The following SVOP variants were observed in gnomAD, a reference collection of about 807,000 sequenced individuals.
The protein encoded by SVOP is synaptic vesicle 2-related protein.
A neutral mutation model predicts 69.1 loss-of-function variants in SVOP; 17 were observed. The observed-to-expected ratio is 0.25, with a 90% CI of 0.17 to 0.37. The LOEUF (loss-of-function observed/expected upper bound fraction) is 0.37. SVOP is among the 10% of genes least tolerant of loss of function. The pLI is 1.00. For synonymous variants in SVOP, 238 were observed against 238.6 expected (o/e 1.00, Z 0.02); for missense variants, 435 against 597.5 (o/e 0.73, Z 2.84).
chr12:108,967,084 A>G (rs1199668149), intron 5 of SVOP, among the ~76,000 whole-genome samples: 4 of 152,224 alleles, frequency 2.6e-5, no homozygotes, highest in Non-Finnish European at 4.4e-5. Flanking sequence ...GAAGTTGAAT[A>G]GCTTGTCTTT....
intron 1 of SVOP, among the ~76,000 whole-genome samples, chr12:108,992,037 C>A (rs567025043): frequency 2.0e-5 from 3 of 152,058 alleles, no homozygotes; most frequent in African/African-American, 4.8e-5. Context: ...TGAAAGTCAG[C>A]GGTGTGCGTA....
intron 1 of SVOP, among the ~76,000 whole-genome samples, chr12:109,015,970 C>T (rs2040365783): frequency 1.3e-5 from 2 of 152,108 alleles, no homozygotes; most frequent in Non-Finnish European, 2.9e-5. Flanking sequence ...GCTCTCACAC[C>T]ACACCAGACA....
chr12:108,969,895 G>T (rs959508788), intron 5 of SVOP, among the ~76,000 whole-genome samples: 4 of 152,078 alleles, frequency 2.6e-5, no homozygotes, highest in African/African-American at 9.7e-5. Flanking sequence ...GGGTTAACAG[G>T]GGGGTAATAA....
At chr12:109,005,985 T>A (rs2040305071) in intron 1 of SVOP, among the ~76,000 whole-genome samples, 1 of 152,142 alleles carries the variant, frequency 6.6e-6, no homozygotes, top group African/African-American at 2.4e-5. Context: ...GAGTTGAGTT[T>A]TGAGAAGGTC....
At chr12:108,997,112 C>T (rs1044080851) in intron 1 of SVOP, among the ~76,000 whole-genome samples, 2 of 151,992 alleles carry the variant, frequency 1.3e-5, no homozygotes, top group Non-Finnish European at 2.9e-5. Context: ...GTGCACCGTG[C>T]GCGAGCCGAA....
intron 11 of SVOP, among the ~76,000 whole-genome samples, chr12:108,928,148 C>T (rs1041868209): frequency 4.6e-5 from 7 of 152,096 alleles, no homozygotes; most frequent in Non-Finnish European, 5.9e-5. Flanking sequence ...AAGTGGTCCA[C>T]CTGCCTCAGC....
chr12:108,977,300 C>G, intron 4 of SVOP, 98 bp downstream of exon 4: 1 of 1,410,554 alleles, frequency 7.1e-7, no homozygotes, highest in Non-Finnish European at 9.5e-7. Context: ...TAATTCTTTT[C>G]TGCTGAGCCT....
At chr12:108,980,039 T>G (rs909031827) in intron 2 of SVOP, among the ~76,000 whole-genome samples, 49,889 of 151,662 alleles carry the variant, frequency 0.33, 8,662 homozygotes, top group African/African-American at 0.44. Context: ...AGCTGTGAGT[T>G]GTGGCTCACG....
At chr12:108,949,720 T>C (rs543000914) in intron 6 of SVOP, among the ~76,000 whole-genome samples, 2 of 151,458 alleles carry the variant, frequency 1.3e-5, no homozygotes, top group East Asian at 3.9e-4. Context: ...TTTCTTAACA[T>C]ACACAGCACA....
At chr12:108,956,780 C>T (rs145729855) in intron 6 of SVOP, among the ~76,000 whole-genome samples, 268 of 152,204 alleles carry the variant, frequency 1.8e-3, no homozygotes, top group African/African-American at 3.8e-3. Flanking sequence ...GATGTAGAAG[C>T]GGATGTATGG....
intron 1 of SVOP, among the ~76,000 whole-genome samples, chr12:108,993,939 T>C (rs1160479910): frequency 6.6e-6 from 1 of 152,184 alleles, no homozygotes; most frequent in Admixed American, 6.6e-5. Context: ...TACCCTTGAC[T>C]CTGAGGATAT....
chr12:109,015,771 C>T (rs1299914486), intron 1 of SVOP, among the ~76,000 whole-genome samples: 1 of 152,056 alleles, frequency 6.6e-6, no homozygotes, highest in East Asian at 1.9e-4. Context: ...CCAGCCTGGG[C>T]AACAGAGCGA....
At chr12:108,990,517 G>C (rs2040193673) in intron 1 of SVOP, among the ~76,000 whole-genome samples, 1 of 142,784 alleles carries the variant, frequency 7.0e-6, no homozygotes, top group Non-Finnish European at 1.5e-5. Context: ...CGTGGGATAG[G>C]GGGAGGGGGG....
rs1034185429 is a variant in SVOP, at chr12:108,912,169, G to T, written c.*366C>A. 9.1e-7 allele frequency: 1 copy of T among 1,094,170 alleles called. No individual in the cohort carries two copies. The highest frequency in any genetic ancestry group is 1.1e-6 in the Non-Finnish European group (1 of 897,040). The allele number at this position is 1,094,170 out of a possible 1,614,324, so 67.8% of individuals were successfully genotyped here. ...GTGTCACATGGGCCTGAGCCTGGACGGTATCTACAGAGAGATATTTTGGTT... is the reference window on the plus strand; with the variant it reads ...GTGTCACATGGGCCTGAGCCTGGACTGTATCTACAGAGAGATATTTTGGTT... On this transcript the variant is annotated 3_prime_UTR_variant, in exon 16 of 16. Coordinates refer to ENST00000610966, the MANE Select transcript of SVOP (RefSeq NM_018711.5).
At chr12:108,991,340 C>T (rs2040199095) in intron 1 of SVOP, among the ~76,000 whole-genome samples, 1 of 152,046 alleles carries the variant, frequency 6.6e-6, no homozygotes, top group African/African-American at 2.4e-5. Context: ...TGGCTCACGC[C>T]TCTAATCCCA....
chr12:108,991,784 C>CAAAA (rs369772563), intron 1 of SVOP, among the ~76,000 whole-genome samples: 3 of 147,850 alleles, frequency 2.0e-5, no homozygotes, highest in Admixed American at 1.3e-4. Flanking sequence ...CAAAAAAAAA[C>CAAAA]AAAAAAAAAA....
At chr12:108,968,290 C>T (rs982712612) in intron 5 of SVOP, among the ~76,000 whole-genome samples, 1 of 152,194 alleles carries the variant, frequency 6.6e-6, no homozygotes, top group Admixed American at 6.5e-5. Context: ...CAGCCCCTTT[C>T]CTCACGGAGT....
At chr12:108,989,972 A>C (rs2040190405) in intron 1 of SVOP, among the ~76,000 whole-genome samples, 1 of 152,224 alleles carries the variant, frequency 6.6e-6, no homozygotes, top group African/African-American at 2.4e-5. Flanking sequence ...AATTAGGTAC[A>C]GTTATTATAC....
chr12:109,008,938 T>A (rs1006582111), intron 1 of SVOP, among the ~76,000 whole-genome samples: 2 of 150,996 alleles, frequency 1.3e-5, no homozygotes, highest in African/African-American at 2.4e-5. Flanking sequence ...TTTGTCTTTG[T>A]AACTTTTTTT....
Sources: allele counts gnomAD v4.1 joint callset (sites outside exome capture counted in the v4.1 genomes callset), GRCh38; gene constraint gnomAD v4.1.1; transcripts MANE v1.5; gene names NCBI Gene and HGNC (gene_info 2026-07-23, HGNC 2026-07-21).